Variants in AGBL1 observed in about 807,000 individuals in gnomAD.
The protein encoded by AGBL1 is AGBL carboxypeptidase 1.
A neutral mutation model predicts 118.9 loss-of-function variants in AGBL1; 130 were observed. That is an observed-to-expected ratio of 1.09 (90% CI 0.95 to 1.26). The LOEUF (loss-of-function observed/expected upper bound fraction) is 1.26, where lower values mean the gene tolerates loss of function less well. Among genes scored for constraint, AGBL1 ranks in the 50% most tolerant of loss-of-function variants. The pLI is 0.00. For missense variants in AGBL1, 1,584 were observed against 1,298.1 expected (o/e 1.22, Z -3.38); for synonymous variants, 555 against 478.9 (o/e 1.16, Z -2.08).
chr15:86,538,950 A>T (rs977315046), intron 19 of AGBL1, among the ~76,000 whole-genome samples: 2 of 152,254 alleles, frequency 1.3e-5, no homozygotes, highest in East Asian at 3.9e-4. Context: ...TGTGAGAAGC[A>T]TGGCAATCTG....
At chr15:86,729,370 T>TG (rs1312673171) in intron 22 of AGBL1, among the ~76,000 whole-genome samples, 1 of 152,204 alleles carries the variant, frequency 6.6e-6, no homozygotes, top group East Asian at 1.9e-4. Context: ...GGTGTAAGAA[T>TG]GATCCTGTCA....
At chr15:86,529,233 C>G (rs796762199) in intron 19 of AGBL1, among the ~76,000 whole-genome samples, 15,447 of 108,194 alleles carry the variant, frequency 0.14, 1,491 homozygotes, top group Non-Finnish European at 0.19. Context: ...GAATGTATAA[C>G]TAGAATAACC....
intron 7 of AGBL1, among the ~76,000 whole-genome samples, chr15:86,253,187 G>A (rs2078843756): frequency 6.6e-6 from 1 of 152,194 alleles, no homozygotes; most frequent in Non-Finnish European, 1.5e-5. Flanking sequence ...CATGGGCAGT[G>A]CCAGGGCATT....
intron 11 of AGBL1, 27 bp downstream of exon 11, chr15:86,264,865 CT>C (rs1201171412): frequency 1.3e-5 from 20 of 1,525,914 alleles, no homozygotes; most frequent in East Asian, 2.3e-5. Context: ...CTTGGGAGCT[CT>C]TTTTTTCTGT....
intron 22 of AGBL1, among the ~76,000 whole-genome samples, chr15:86,734,417 C>G (rs1305167984): frequency 6.6e-6 from 1 of 151,988 alleles, no homozygotes; most frequent in Non-Finnish European, 1.5e-5. Context: ...GAGATCTTCA[C>G]TTGGAAAAGA....
At chr15:86,523,457 G>A (rs937439038) in intron 19 of AGBL1, among the ~76,000 whole-genome samples, 2 of 152,032 alleles carry the variant, frequency 1.3e-5, no homozygotes, top group South Asian at 4.2e-4. Context: ...TCCAAGTAAG[G>A]TTACATTCAC....
intron 17 of AGBL1, among the ~76,000 whole-genome samples, chr15:86,328,206 G>T (rs1394698612): frequency 6.6e-6 from 1 of 152,132 alleles, no homozygotes; most frequent in African/African-American, 2.4e-5. Context: ...TCAAGTTAAT[G>T]CTTATTGTGA....
At chr15:86,464,482 T>C (rs1189550918) in intron 18 of AGBL1, among the ~76,000 whole-genome samples, 1 of 152,212 alleles carries the variant, frequency 6.6e-6, no homozygotes, top group African/African-American at 2.4e-5. Flanking sequence ...CTATGTTGAA[T>C]AGGAGTGGTG....
rs758108105 is a variant in AGBL1, at chr15:86,522,888, C to T, written c.2634C>T (p.Tyr878=). 8.7e-6 allele frequency: 14 copies of T among 1,613,960 alleles called. No individual in the cohort carries two copies. The South Asian group carries it at 1.5e-4, about 18-fold the overall frequency. Residue 878 remains tyrosine, a synonymous_variant, in exon 19 of 23, where the codon TAC becomes TAT. Transcript: ENST00000614907. ...SPSAHLQPTI[Y]HAKGLLYHLS... ...GTGCTCATCTGCAGCCAACCATTTACCATGCCAAAGGCCTCCTCTACCACC... is the reference window on the plus strand; with the variant it reads ...GTGCTCATCTGCAGCCAACCATTTATCATGCCAAAGGCCTCCTCTACCACC...
chr15:86,540,622 T>A (rs2083481713), intron 19 of AGBL1, among the ~76,000 whole-genome samples: 1 of 152,082 alleles, frequency 6.6e-6, no homozygotes, highest in Non-Finnish European at 1.5e-5. Flanking sequence ...CCTGTAAATA[T>A]TGTATTGGGA....
rs1228253832 is a variant in AGBL1, at chr15:86,781,045, A to T, written c.3158+106609A>T. ...TTATTAATTTAATTTATTCCTAAGTATTTAACATGTTCTGATGTTATTGTA... is the reference window on the plus strand; with the variant it reads ...TTATTAATTTAATTTATTCCTAAGTTTTTAACATGTTCTGATGTTATTGTA... On this transcript the variant is annotated intron_variant, in intron 22 of 22. Transcript: ENST00000614907. Among the ~76,000 whole-genome samples, 5 of 152,154 alleles carry T rather than the reference A, an allele frequency of 3.3e-5. No homozygotes were observed. The East Asian group carries it at 9.6e-4, about 29-fold the overall frequency.
At chr15:86,842,695 C>A (rs1297883165) in intron 22 of AGBL1, among the ~76,000 whole-genome samples, 1 of 152,182 alleles carries the variant, frequency 6.6e-6, no homozygotes, top group Non-Finnish European at 1.5e-5. Context: ...CCAATTAGTA[C>A]TGAATCCAAA....
intron 21 of AGBL1, among the ~76,000 whole-genome samples, chr15:86,616,106 G>A (rs1213670014): frequency 6.6e-6 from 1 of 151,922 alleles, no homozygotes. Context: ...GGAGGCTGAG[G>A]CAAGTGGATC....
At chr15:86,176,789 T>C (rs2077488174) in intron 5 of AGBL1, among the ~76,000 whole-genome samples, 1 of 152,168 alleles carries the variant, frequency 6.6e-6, no homozygotes. Context: ...TGGTATGAAC[T>C]CTAGGCAGCT....
chr15:86,335,679 G>A (rs767979426), intron 17 of AGBL1, among the ~76,000 whole-genome samples: 18 of 152,170 alleles, frequency 1.2e-4, no homozygotes, highest in Non-Finnish European at 2.6e-4. Context: ...CTTGATTATT[G>A]TTTTCTAAAA....
chr15:86,808,017 C>G (rs913097491), intron 22 of AGBL1, among the ~76,000 whole-genome samples: 2 of 152,002 alleles, frequency 1.3e-5, no homozygotes, highest in Non-Finnish European at 2.9e-5. Context: ...TAAAGTAAGA[C>G]TCATAATACC....
chr15:86,722,737 A>G (rs1029832656), intron 22 of AGBL1, among the ~76,000 whole-genome samples: 1 of 152,164 alleles, frequency 6.6e-6, no homozygotes. Flanking sequence ...AGAATGGGAG[A>G]AAAGTTTTGC....
In AGBL1 at chr15:86,578,893, C is replaced by G. The variant is rs573208568; in HGVS notation, c.2994+24356C>G. Reference sequence around the variant, plus strand: ...TGCTCAGTCTCGGGTATGTCTTTATCAGCAGCATGAAAACGGACTAATACA... The same window carrying G: ...TGCTCAGTCTCGGGTATGTCTTTATGAGCAGCATGAAAACGGACTAATACA... On this transcript the variant is annotated intron_variant, in intron 21 of 22. Transcript: ENST00000614907. 1.3e-4 allele frequency among the ~76,000 whole-genome samples: 20 copies of G among 152,160 alleles called. 1 individual carries two copies. The highest frequency in any genetic ancestry group is 2.9e-4 in the Non-Finnish European group (20 of 68,044).
intron 5 of AGBL1, among the ~76,000 whole-genome samples, chr15:86,213,917 C>T (rs1479004809): frequency 6.6e-6 from 1 of 152,106 alleles, no homozygotes; most frequent in East Asian, 1.9e-4. Flanking sequence ...AATAACTTCC[C>T]ACTCCCCTTC....
Sources: allele counts gnomAD v4.1 joint callset (sites outside exome capture counted in the v4.1 genomes callset), GRCh38; gene constraint gnomAD v4.1.1; transcripts MANE v1.5; gene names NCBI Gene and HGNC (gene_info 2026-07-23, HGNC 2026-07-21).